Variants in KDM4C observed in about 807,000 individuals in gnomAD.
KDM4C encodes lysine-specific demethylase 4C.
A neutral mutation model predicts 129.3 loss-of-function variants in KDM4C; 81 were observed. That is an observed-to-expected ratio of 0.63 (90% CI 0.52 to 0.75). The LOEUF is 0.75. Among genes scored for constraint, KDM4C ranks in the 30% least tolerant of loss-of-function variants. KDM4C has a pLI of 0.00. For missense variants in KDM4C, 1,457 were observed against 1,304.0 expected (o/e 1.12, Z -1.81); for synonymous variants, 573 against 456.1 (o/e 1.26, Z -3.26).
intron 8 of KDM4C, among the ~76,000 whole-genome samples, chr9:6,950,200 A>T (rs1462743153): frequency 6.6e-6 from 1 of 152,096 alleles, no homozygotes; most frequent in Non-Finnish European, 1.5e-5. Context: ...AAATTTTATT[A>T]TAGAAGGTTG....
intron 5 of KDM4C, among the ~76,000 whole-genome samples, chr9:6,872,589 T>C (rs892393546): frequency 1.3e-5 from 2 of 152,212 alleles, no homozygotes; most frequent in Admixed American, 6.5e-5. Flanking sequence ...AGTTCGCTCT[T>C]CTTGTTGCAT....
At chr9:6,981,172 A>G in intron 9 of KDM4C, 54 bp downstream of exon 9, 1 of 1,442,082 alleles carries the variant, frequency 6.9e-7, no homozygotes, top group Non-Finnish European at 9.4e-7. Context: ...TTCTCAGTTA[A>G]AATGGGTCAT....
chr9:7,004,338 G>A (rs1044832235), intron 12 of KDM4C, among the ~76,000 whole-genome samples: 3 of 152,150 alleles, frequency 2.0e-5, no homozygotes, highest in Admixed American at 6.5e-5. Context: ...TATTTTGACA[G>A]CAGTTTTTAA....
chr9:6,873,506 T>A (rs554154426), intron 5 of KDM4C, among the ~76,000 whole-genome samples: 20 of 152,366 alleles, frequency 1.3e-4, no homozygotes, highest in African/African-American at 4.3e-4. Context: ...TTTCACCTTG[T>A]ACTTCTCTCT....
intron 4 of KDM4C, chr9:6,815,023 A>G (rs1169918627): frequency 8.3e-6 from 2 of 242,176 alleles, no homozygotes; most frequent in South Asian, 3.3e-4. Context: ...AAGCAAAAAT[A>G]CATTATAAAA....
intron 18 of KDM4C, among the ~76,000 whole-genome samples, chr9:7,106,464 T>A (rs1199165849): frequency 6.6e-6 from 1 of 152,216 alleles, no homozygotes; most frequent in Non-Finnish European, 1.5e-5. Context: ...TTTTACAGAA[T>A]AATGGAGGAT....
chr9:7,000,587 T>A (rs1018785305), intron 12 of KDM4C, among the ~76,000 whole-genome samples: 3 of 152,214 alleles, frequency 2.0e-5, no homozygotes, highest in African/African-American at 7.2e-5. Context: ...TAGCACAGTT[T>A]CATGGTGCAT....
chr9:7,058,021 AC>A (rs1261096707), intron 17 of KDM4C, among the ~76,000 whole-genome samples: 7 of 152,112 alleles, frequency 4.6e-5, no homozygotes, highest in Non-Finnish European at 7.4e-5. Flanking sequence ...AATGACTATG[AC>A]CCATGAGTAC....
chr9:7,104,513 A>G (rs555620773), intron 18 of KDM4C, among the ~76,000 whole-genome samples: 4 of 152,316 alleles, frequency 2.6e-5, no homozygotes, highest in Admixed American at 6.5e-5. Flanking sequence ...TTCTGGGAAA[A>G]GTGTTTGCAA....
At chr9:6,916,088 G>A (rs981679240) in intron 8 of KDM4C, among the ~76,000 whole-genome samples, 1 of 152,194 alleles carries the variant, frequency 6.6e-6, no homozygotes, top group Non-Finnish European at 1.5e-5. Flanking sequence ...TATATATTTG[G>A]AAGGAGAGAG....
intron 8 of KDM4C, among the ~76,000 whole-genome samples, chr9:6,911,061 T>C (rs979047340): frequency 6.6e-6 from 1 of 152,206 alleles, no homozygotes; most frequent in Non-Finnish European, 1.5e-5. Flanking sequence ...TTTAATTTGC[T>C]TATCTTTATT....
At chr9:7,159,160 C>CT (rs1350025210) in intron 19 of KDM4C, among the ~76,000 whole-genome samples, 2 of 152,034 alleles carry the variant, frequency 1.3e-5, no homozygotes, top group Non-Finnish European at 2.9e-5. Context: ...GCAATCCCTG[C>CT]TTTTTTTGCT....
chr9:6,781,345 AT>A (rs1824295925), intron 1 of KDM4C, among the ~76,000 whole-genome samples: 1 of 151,974 alleles, frequency 6.6e-6, no homozygotes, highest in African/African-American at 2.4e-5. Context: ...TGGTCAGAAC[AT>A]TTTCATCAAC....
chr9:6,988,765 C>T (rs977171371), intron 11 of KDM4C, among the ~76,000 whole-genome samples: 1 of 152,078 alleles, frequency 6.6e-6, no homozygotes. Context: ...ACTTTACGTG[C>T]TATTCTTGCT....
intron 3 of KDM4C, among the ~76,000 whole-genome samples, chr9:6,809,723 T>C (rs1830790054): frequency 6.6e-6 from 1 of 152,182 alleles, no homozygotes; most frequent in South Asian, 2.1e-4. Context: ...AATAGGCTGG[T>C]TGTGGTGGCT....
chr9:6,914,742 C>T (rs571177005), intron 8 of KDM4C, among the ~76,000 whole-genome samples: 3 of 152,312 alleles, frequency 2.0e-5, no homozygotes, highest in South Asian at 2.1e-4. Flanking sequence ...GAAGCAAATT[C>T]GCCTTCCCCA....
intron 4 of KDM4C, 38 bp from the exon 5 acceptor site, chr9:6,849,469 G>A (rs550198983): frequency 2.0e-6 from 3 of 1,489,356 alleles, no homozygotes; most frequent in Non-Finnish European, 2.7e-6. Flanking sequence ...GGTTTAGTAA[G>A]ATTTGATTTC....
intron 8 of KDM4C, among the ~76,000 whole-genome samples, chr9:6,952,327 A>C (rs995225880): frequency 6.6e-6 from 1 of 151,810 alleles, no homozygotes; most frequent in Non-Finnish European, 1.5e-5. Context: ...GTACAGTTTT[A>C]TAGGAAAAGA....
chr9:6,991,685 T>A (rs1170252866), intron 12 of KDM4C, among the ~76,000 whole-genome samples: 2 of 140,514 alleles, frequency 1.4e-5, no homozygotes, highest in Non-Finnish European at 3.3e-5. Flanking sequence ...TAGATATCTT[T>A]CACAGATTTT....
Sources: gnomAD v4.1 joint callset for allele counts (sites outside exome capture counted in the v4.1 genomes callset) on GRCh38, gnomAD v4.1.1 for gene constraint, MANE v1.5 for transcripts, NCBI Gene and HGNC (gene_info 2026-07-23, HGNC 2026-07-21) for gene names.